BRI3BP: variants seen among roughly 807,000 people sequenced by gnomAD.
The protein encoded by BRI3BP is BRI3-binding protein.
BRI3BP carries 7 observed loss-of-function variants against 15.8 expected under a neutral mutation model. The observed-to-expected ratio is 0.44, with a 90% confidence interval of 0.25 to 0.83. The LOEUF is 0.83. Ranked by LOEUF, BRI3BP falls within the 40% of genes least tolerant of loss-of-function variation. The probability of loss-of-function intolerance (pLI) is 0.20; values close to 1 mark genes in which losing one functional copy is unlikely to be tolerated. For missense variants in BRI3BP, 320 were observed against 339.3 expected, an observed-to-expected ratio of 0.94 and a Z score of 0.45; for synonymous variants, 192 against 163.5, an observed-to-expected ratio of 1.17 and a Z score of -1.33.
Position 125,025,220 on chromosome 12 carries a change from G to C in BRI3BP, c.546G>C (p.Glu182Asp). The C allele has an allele frequency of 6.2e-7, 1 of 1,614,110 alleles. No homozygotes were observed. The highest frequency in any genetic ancestry group is 8.5e-7 in the Non-Finnish European group (1 of 1,180,036). Residue 182 changes from glutamate (E) to aspartate (D), a missense_variant, in exon 3 of 3, where the codon GAG (glutamate) becomes GAC (aspartate). Transcript: ENST00000341446. ...YILHKYEGEP[E>D]NAVLPLCFVV... ...TGCACAAGTACGAGGGCGAGCCGGA[G>C]AACGCGGTGCTGCCGCTGTGCTTCG...
At chr12:125,020,108 T>C (rs1955284037) in intron 2 of BRI3BP, among the ~76,000 whole-genome samples, 1 of 151,802 alleles carries the variant, frequency 6.6e-6, no homozygotes. Context: ...TATGCCCGGC[T>C]AATTTTGTAT....
Position 124,993,982 on chromosome 12 carries a change from C to T in BRI3BP, c.192C>T (p.Asp64=), listed in dbSNP as rs1955018266. The T allele has an allele frequency of 7.4e-7, 1 of 1,355,150 alleles. No individual in the cohort carries two copies. The highest frequency in any genetic ancestry group is 1.5e-5 in the African/African-American group (1 of 65,686). 83.9% of individuals were successfully genotyped at this position (1,355,150 alleles called of 1,614,324 possible). The part of the protein sequence containing the change: ...SQSVSSLFGE[D]NVRAAQKFLA... The stretch of plus-strand genomic sequence containing the variant: ...GCGTCAGCAGCCTGTTCGGCGAGGA[C>T]AACGTGCGCGCCGCTCAGAAGGTGG... The change falls in exon 1 of 3, where the codon GAC becomes GAT. Residue 64 remains aspartate (D), a synonymous_variant. Coordinates refer to ENST00000341446, the MANE Select transcript of BRI3BP (RefSeq NM_080626.6).
At chr12:125,041,016 C>T in the BRI3BP span, among the ~76,000 whole-genome samples, 1 of 151,534 alleles carries the variant, frequency 6.6e-6, no homozygotes, top group Non-Finnish European at 1.5e-5. Context: ...CAGGCATGAG[C>T]CACCGTGCCT....
chr12:125,032,034 G>A (rs1394683720), downstream of BRI3BP, among the ~76,000 whole-genome samples: 5 of 152,176 alleles, frequency 3.3e-5, no homozygotes, highest in Admixed American at 2.6e-4. Flanking sequence ...CACTGGGAAA[G>A]CAGGCAGGTG....
chr12:125,023,713 A>T (rs11057998), intron 2 of BRI3BP, among the ~76,000 whole-genome samples: 3,374 of 152,062 alleles, frequency 0.022, 109 homozygotes, highest in African/African-American at 0.075. Flanking sequence ...CACCTGTCTA[A>T]TTTTTTTAAA....
chr12:125,048,268 G>A, the BRI3BP span, among the ~76,000 whole-genome samples: 1 of 152,112 alleles, frequency 6.6e-6, no homozygotes, highest in African/African-American at 2.4e-5. Context: ...TGGCTCATGG[G>A]TGTCATGAGA....
At chr12:125,034,437 C>T (rs1425172390), downstream of BRI3BP, among the ~76,000 whole-genome samples, 2 of 152,152 alleles carry the variant, frequency 1.3e-5, no homozygotes, top group Non-Finnish European at 2.9e-5. Context: ...ACTTGGATAA[C>T]GTTTCATATA....
the BRI3BP span, among the ~76,000 whole-genome samples, chr12:125,045,916 GA>G: frequency 1.3e-5 from 2 of 152,118 alleles, no homozygotes; most frequent in African/African-American, 4.8e-5. Context: ...TGTAATCCCA[GA>G]AATTTGGGAG....
the BRI3BP span, among the ~76,000 whole-genome samples, chr12:125,048,522 G>A: frequency 6.6e-6 from 1 of 151,922 alleles, no homozygotes; most frequent in Non-Finnish European, 1.5e-5. Flanking sequence ...GACACAGGAA[G>A]GGGAACATCA....
intron 1 of BRI3BP, among the ~76,000 whole-genome samples, chr12:125,000,308 A>ATTTT (rs35803183): frequency 4.3e-5 from 4 of 92,058 alleles, no homozygotes; most frequent in East Asian, 3.5e-4. Context: ...GTTTCATATG[A>ATTTT]TTTTTTTTTT....
chr12:125,023,166 C>T (rs1212153574), intron 2 of BRI3BP, among the ~76,000 whole-genome samples: 1 of 152,174 alleles, frequency 6.6e-6, no homozygotes, highest in African/African-American at 2.4e-5. Context: ...ATAACATTGG[C>T]TTAACCAAGA....
intron 1 of BRI3BP, among the ~76,000 whole-genome samples, chr12:124,999,989 T>G (rs1477219064): frequency 1.4e-5 from 2 of 139,190 alleles, no homozygotes; most frequent in Admixed American, 7.5e-5. Context: ...TCCATCGATA[T>G]GTTCTGGGAA....
At chr12:125,007,721 A>C (rs529681076) in intron 1 of BRI3BP, among the ~76,000 whole-genome samples, 49 of 134,004 alleles carry the variant, frequency 3.7e-4, no homozygotes, top group African/African-American at 1.4e-3. Context: ...CCCTGTCTCC[A>C]AAAAAAAAAA....
chr12:125,024,782 G>C (rs1303642098), intron 2 of BRI3BP, among the ~76,000 whole-genome samples: 2 of 152,078 alleles, frequency 1.3e-5, no homozygotes, highest in South Asian at 2.1e-4. Flanking sequence ...CTGGGCAACA[G>C]AGCAAGACTC....
intron 2 of BRI3BP, among the ~76,000 whole-genome samples, chr12:125,024,132 C>T (rs901855543): frequency 6.6e-6 from 1 of 152,164 alleles, no homozygotes; most frequent in African/African-American, 2.4e-5. Flanking sequence ...TTCTGCGTGG[C>T]TCAGGAAACT....
rs1458396063 is a variant in BRI3BP at position 125,025,251 on chromosome 12, G to A, written c.577G>A (p.Ala193Thr). 1 of 1,614,118 alleles carries A rather than the reference G, an allele frequency of 6.2e-7. No homozygotes were observed. Among genetic ancestry groups the A allele is most frequent in the Non-Finnish European group, 8.5e-7 (1 of 1,180,036 alleles). ...NAVLPLCFVVAVYFMTGPMGF... is the reference protein window; with the variant it reads ...NAVLPLCFVVTVYFMTGPMGF... ...GGTGCTGCCGCTGTGCTTCGTGGTG[G>A]CCGTCTACTTCATGACCGGGCCCAT... Residue 193 changes from alanine (A) to threonine (T), a missense_variant, in exon 3 of 3, where the codon GCC (alanine) becomes ACC (threonine). By Grantham distance (58) the Ala-to-Thr change is moderately conservative. Transcript: ENST00000341446.
chr12:125,003,956 A>AACAC (rs202194939), intron 1 of BRI3BP, among the ~76,000 whole-genome samples: 1,935 of 38,044 alleles, frequency 0.051, 15 homozygotes, highest in Admixed American at 0.055. Flanking sequence ...CCATCTCAAA[A>AACAC]ACACACACAC....
At chr12:125,016,243 T>C (rs927081007) in intron 2 of BRI3BP, among the ~76,000 whole-genome samples, 18 of 152,138 alleles carry the variant, frequency 1.2e-4, no homozygotes, top group African/African-American at 3.9e-4. Flanking sequence ...AATTCGTGTC[T>C]TATGCGTAGA....
intron 2 of BRI3BP, among the ~76,000 whole-genome samples, chr12:125,019,480 T>C (rs1414831782): frequency 6.6e-6 from 1 of 151,826 alleles, no homozygotes; most frequent in Non-Finnish European, 1.5e-5. Context: ...TTAGGAGGGG[T>C]GACTGTGAGT....
Sources: gnomAD v4.1 joint callset for allele counts (sites outside exome capture counted in the v4.1 genomes callset) on GRCh38, gnomAD v4.1.1 for gene constraint, MANE v1.5 for transcripts, NCBI Gene and HGNC (gene_info 2026-07-23, HGNC 2026-07-21) for gene names.